Variants in LPAR3 observed in about 807,000 individuals in gnomAD.
LPAR3 encodes the protein LPA receptor 3.
In LPAR3, 7 loss-of-function variants were observed where a neutral mutation model predicts 17.8. The observed-to-expected ratio is 0.39, with a 90% CI of 0.22 to 0.74. The LOEUF is 0.74. Among genes scored for constraint, LPAR3 ranks in the 30% least tolerant of loss-of-function variants. The pLI is 0.40. For synonymous variants in LPAR3, 179 were observed against 179.9 expected (o/e 0.99, Z 0.04); for missense variants, 391 against 453.4 (o/e 0.86, Z 1.25).
Position 84,817,797 on chromosome 1 carries a change from C to G in LPAR3, c.737-3626G>C, listed in dbSNP as rs532826330. On this transcript the variant is annotated intron_variant, in intron 2 of 2. Transcript: ENST00000370611. Reference sequence around the variant, plus strand: ...ATCTCTCCCTCCCTTTCTTCCTTTCCTGGCCAAAAAAAAAAAAAAATCTTT... The same window carrying G: ...ATCTCTCCCTCCCTTTCTTCCTTTCGTGGCCAAAAAAAAAAAAAAATCTTT... Among the ~76,000 whole-genome samples the G allele has an allele frequency of 5.4e-3, 712 of 131,126 alleles. 5 individuals carry two copies. The highest frequency in any genetic ancestry group is 0.018 in the African/African-American group (683 of 37,506). 86.0% of individuals were successfully genotyped at this position (131,126 alleles called of 152,430 possible).
intron 1 of LPAR3, among the ~76,000 whole-genome samples, chr1:84,876,618 T>G (rs1341558260): frequency 6.6e-6 from 1 of 152,138 alleles, no homozygotes; most frequent in Non-Finnish European, 1.5e-5. Flanking sequence ...GTTTCTACGA[T>G]CTCTGCCCTC....
chr1:84,846,716 G>A (rs958718926), intron 2 of LPAR3, among the ~76,000 whole-genome samples: 1 of 152,038 alleles, frequency 6.6e-6, no homozygotes, highest in African/African-American at 2.4e-5. Context: ...TACCCACAAA[G>A]GGGTTATTTG....
At chr1:84,890,161 G>GAGGAACAAAGGATC (rs1307512182) in intron 1 of LPAR3, among the ~76,000 whole-genome samples, 36 of 152,320 alleles carry the variant, frequency 2.4e-4, no homozygotes, top group African/African-American at 8.2e-4. Flanking sequence ...AATCCAGGAT[G>GAGGAACAAAGGATC]AGGAACAAAG....
At chr1:84,892,055 T>A (rs1221125767) in intron 1 of LPAR3, among the ~76,000 whole-genome samples, 2 of 151,502 alleles carry the variant, frequency 1.3e-5, no homozygotes, top group Admixed American at 6.6e-5. Context: ...CTACTAAAAA[T>A]ACAAAAAATT....
chr1:84,854,485 C>A (rs1570885296), intron 2 of LPAR3, among the ~76,000 whole-genome samples: 1 of 152,174 alleles, frequency 6.6e-6, no homozygotes, highest in Non-Finnish European at 1.5e-5. Flanking sequence ...ATTAGTCACA[C>A]ACAGGAAAAG....
chr1:84,837,966 G>A (rs1659436872), intron 2 of LPAR3, among the ~76,000 whole-genome samples: 1 of 152,082 alleles, frequency 6.6e-6, no homozygotes, highest in African/African-American at 2.4e-5. Flanking sequence ...AACATCCTGG[G>A]GTTGTTTAAC....
At chr1:84,827,577 G>T (rs999218290) in intron 2 of LPAR3, among the ~76,000 whole-genome samples, 2 of 152,160 alleles carry the variant, frequency 1.3e-5, no homozygotes, top group African/African-American at 2.4e-5. Flanking sequence ...TGGGCGATAT[G>T]ACTGGAGAGC....
chr1:84,838,395 A>G (rs867878254), intron 2 of LPAR3, among the ~76,000 whole-genome samples: 47 of 152,204 alleles, frequency 3.1e-4, no homozygotes, highest in African/African-American at 1.1e-3. Flanking sequence ...TATATGGGCT[A>G]CATGCTTTGA....
chr1:84,818,939 T>C (rs914085963), intron 2 of LPAR3, among the ~76,000 whole-genome samples: 17 of 152,246 alleles, frequency 1.1e-4, no homozygotes. Context: ...TTTCGCTTTT[T>C]TCCCCCTCTC....
intron 1 of LPAR3, among the ~76,000 whole-genome samples, chr1:84,874,191 G>C (rs1660212686): frequency 6.6e-6 from 1 of 152,202 alleles, no homozygotes; most frequent in Non-Finnish European, 1.5e-5. Context: ...CGTACAATGG[G>C]TGTGCTTGGG....
At chr1:84,817,623 G>A (rs556486844) in intron 2 of LPAR3, among the ~76,000 whole-genome samples, 1 of 152,186 alleles carries the variant, frequency 6.6e-6, no homozygotes, top group African/African-American at 2.4e-5. Context: ...GTATGTTTGT[G>A]CTGTTCTGTC....
At chr1:84,891,681 A>G (rs1046426511) in intron 1 of LPAR3, among the ~76,000 whole-genome samples, 2 of 152,242 alleles carry the variant, frequency 1.3e-5, no homozygotes, top group African/African-American at 4.8e-5. Flanking sequence ...AAGTCCATGC[A>G]TTAATGAAAC....
chr1:84,819,685 A>G (rs1219263959), intron 2 of LPAR3, among the ~76,000 whole-genome samples: 1 of 152,258 alleles, frequency 6.6e-6, no homozygotes. Flanking sequence ...ATGTTTGAGC[A>G]CATACGCAAA....
chr1:84,814,797 T>A (rs1658901409), intron 2 of LPAR3, among the ~76,000 whole-genome samples: 1 of 152,238 alleles, frequency 6.6e-6, no homozygotes, highest in African/African-American at 2.4e-5. Context: ...GCCATCTGCA[T>A]AATCATCTGC....
chr1:84,847,644 C>G (rs1227330680), intron 2 of LPAR3, among the ~76,000 whole-genome samples: 1 of 152,164 alleles, frequency 6.6e-6, no homozygotes, highest in Non-Finnish European at 1.5e-5. Flanking sequence ...TATCCTAGCT[C>G]CACTACTTGG....
chr1:84,827,637 C>T lies in LPAR3; in HGVS notation c.737-13466G>A, dbSNP rs144011836. ...TGCAGCCATACCCGTGGTCCCTGTG[C>T]CCCTAACAGGCACTGCTGACCATTC... On this transcript the variant is annotated intron_variant, in intron 2 of 2. Transcript: ENST00000370611. Among the ~76,000 whole-genome samples the T allele has an allele frequency of 3.0e-3, 451 of 152,256 alleles. No homozygotes were observed. The Middle Eastern group carries it at 0.034, about 11-fold the overall frequency.
intron 1 of LPAR3, among the ~76,000 whole-genome samples, chr1:84,873,629 A>G (rs924240133): frequency 1.3e-5 from 2 of 152,158 alleles, no homozygotes; most frequent in Non-Finnish European, 2.9e-5. Flanking sequence ...GTAGGGTTAC[A>G]ATTCGGTTTC....
intron 1 of LPAR3, among the ~76,000 whole-genome samples, chr1:84,887,237 T>G (rs377273247): frequency 4.5e-4 from 67 of 147,846 alleles, no homozygotes; most frequent in African/African-American, 1.3e-3. Flanking sequence ...ATAAGCCAGG[T>G]GTGGTAGTGT....
intron 2 of LPAR3, among the ~76,000 whole-genome samples, chr1:84,842,806 CA>C (rs1224488477): frequency 1.3e-5 from 2 of 152,098 alleles, no homozygotes; most frequent in African/African-American, 2.4e-5. Context: ...CAAAGTCTTC[CA>C]GGGGTGCTGT....
Sources: allele counts gnomAD v4.1 joint callset (sites outside exome capture counted in the v4.1 genomes callset), GRCh38; gene constraint gnomAD v4.1.1; transcripts MANE v1.5; gene names NCBI Gene and HGNC (gene_info 2026-07-23, HGNC 2026-07-21).